TARBP1: variants seen among roughly 807,000 people sequenced by gnomAD.
The protein encoded by TARBP1 is tRNA (guanosine(18)-2'-O)-methyltransferase TARBP1.
In TARBP1, 144 loss-of-function variants were observed where a neutral mutation model predicts 178.6. The ratio of observed to expected loss-of-function variants is 0.81; its 90% CI spans 0.70 to 0.93. TARBP1 has a LOEUF of 0.93. Ranked by LOEUF, TARBP1 falls within the 40% of genes least tolerant of loss-of-function variation. TARBP1 has a pLI of 0.00. For missense variants in TARBP1, 2,067 were observed against 2,011.7 expected (o/e 1.03, Z -0.53); for synonymous variants, 787 against 781.0 (o/e 1.01, Z -0.13).
chr1:234,392,325 G>T, intron 29 of TARBP1, 91 bp downstream of exon 29: 1 of 1,498,778 alleles, frequency 6.7e-7, no homozygotes, highest in Non-Finnish European at 9.0e-7. Context: ...TACAGAGTGA[G>T]ACTCCGTCTC....
At chr1:234,424,945 C>A (rs567632183) in intron 20 of TARBP1, among the ~76,000 whole-genome samples, 66 of 152,078 alleles carry the variant, frequency 4.3e-4, no homozygotes, top group Non-Finnish European at 8.2e-4. Flanking sequence ...TCTGTAGTCC[C>A]AGCTACTCGG....
At chr1:234,398,293 A>G in intron 26 of TARBP1, 89 bp downstream of exon 26, 1 of 1,098,192 alleles carries the variant, frequency 9.1e-7, no homozygotes. Context: ...AAGTGATATT[A>G]TTATTAACTA....
Position 234,478,221 on chromosome 1 carries a change from A to C in TARBP1, c.883T>G (p.Ser295Ala), listed in dbSNP as rs772027625. ...RYLLQRAVEV[S>A]AELGADCTCG... ...GTGCAGTCGGCCCCCAGCTCCGCCG[A>C]CACCTCCACCGCCCTCTGCAGCAGG... Residue 295 changes from serine to alanine, a missense_variant, in exon 1 of 30, where the codon TCG (serine) becomes GCG (alanine). Ser to Ala is a moderately conservative substitution (Grantham distance 99). Transcript: ENST00000040877. The C allele has an allele frequency of 8.7e-6, 14 of 1,611,466 alleles. No individual in the cohort carries two copies. The South Asian group carries it at 1.5e-4, about 18-fold the overall frequency.
At chr1:234,432,566 C>T (rs1400835576) in intron 14 of TARBP1, among the ~76,000 whole-genome samples, 2 of 152,082 alleles carry the variant, frequency 1.3e-5, no homozygotes, top group Non-Finnish European at 2.9e-5. Flanking sequence ...AGATACTAAT[C>T]GAAGAAGACC....
intron 12 of TARBP1, among the ~76,000 whole-genome samples, chr1:234,443,226 G>A (rs980265633): frequency 6.6e-6 from 1 of 150,694 alleles, no homozygotes; most frequent in African/African-American, 2.4e-5. Context: ...GGAGGCAAAG[G>A]TTGCGGTGAG....
intron 22 of TARBP1, among the ~76,000 whole-genome samples, chr1:234,416,510 T>C (rs1221732113): frequency 6.6e-6 from 1 of 152,304 alleles, no homozygotes; most frequent in East Asian, 1.9e-4. Flanking sequence ...TTGGCCAGGC[T>C]GGTCTCAAAC....
At chr1:234,426,356 G>A (rs67982057) in intron 19 of TARBP1, among the ~76,000 whole-genome samples, 8,830 of 152,194 alleles carry the variant, frequency 0.058, 345 homozygotes, top group African/African-American at 0.1. Context: ...TTGTTATAAT[G>A]TGAATAAATA....
chr1:234,471,101 A>C, intron 3 of TARBP1, 87 bp downstream of exon 3: 1 of 1,029,880 alleles, frequency 9.7e-7, no homozygotes, highest in Non-Finnish European at 1.4e-6. Flanking sequence ...TAGTTTTTCA[A>C]AATTCTCTAC....
Position 234,478,433 on chromosome 1 carries a change from C to A in TARBP1, c.671G>T (p.Gly224Val). ...LAAPGASLGS[G>V]RVEEKLLVLS... is the part of the protein sequence containing the mutation. ...GACCAGCAGCTTCTCCTCTACGCGGCCGGACCCCAGGGACGCCCCAGGCGC... is the reference window on the plus strand; with the variant it reads ...GACCAGCAGCTTCTCCTCTACGCGGACGGACCCCAGGGACGCCCCAGGCGC... The change falls in exon 1 of 30, where the codon GGC (glycine) becomes GTC (valine). Residue 224 changes from glycine to valine, a missense_variant. Transcript: ENST00000040877. The A allele has an allele frequency of 7.2e-7, 1 of 1,387,648 alleles. No individual in the cohort carries two copies. Among genetic ancestry groups the A allele is most frequent in the South Asian group, 1.4e-5 (1 of 69,544 alleles). 86.0% of individuals were successfully genotyped at this position (1,387,648 alleles called of 1,614,324 possible).
At chr1:234,439,849 TA>T (rs1665414487) in intron 12 of TARBP1, among the ~76,000 whole-genome samples, 1 of 152,036 alleles carries the variant, frequency 6.6e-6, no homozygotes, top group African/African-American at 2.4e-5. Flanking sequence ...ATACAAGGAA[TA>T]AATAGAAAAT....
chr1:234,423,970 C>G (rs1376465548), intron 20 of TARBP1, among the ~76,000 whole-genome samples: 1 of 152,144 alleles, frequency 6.6e-6, no homozygotes, highest in Non-Finnish European at 1.5e-5. Flanking sequence ...CAGCTCCTAT[C>G]ACTTTAAACT....
chr1:234,439,165 T>C (rs111585333), intron 12 of TARBP1, among the ~76,000 whole-genome samples: 2,694 of 152,250 alleles, frequency 0.018, 30 homozygotes, highest in Non-Finnish European at 0.021. Context: ...ATAGGGAAAT[T>C]TGGAATATCA....
intron 23 of TARBP1, among the ~76,000 whole-genome samples, chr1:234,408,597 C>T (rs910630360): frequency 2.0e-5 from 3 of 152,016 alleles, no homozygotes; most frequent in Admixed American, 6.6e-5. Context: ...CTGCACTCGA[C>T]GGATCAGCTG....
chr1:234,460,349 A>G lies in TARBP1; in HGVS notation c.1447T>C (p.Cys483Arg). 1 of 1,614,222 alleles carries G rather than the reference A, an allele frequency of 6.2e-7. No homozygotes were observed. The highest frequency in any genetic ancestry group is 8.5e-7 in the Non-Finnish European group (1 of 1,180,040). Residue 483 changes from cysteine to arginine, a missense_variant, in exon 7 of 30, where the codon TGT (cysteine) becomes CGT (arginine). By Grantham distance (180) the Cys-to-Arg change is radical. Coordinates refer to ENST00000040877, the MANE Select transcript of TARBP1 (RefSeq NM_005646.4). The stretch of plus-strand genomic sequence containing the variant: ...GATAGAAACAAAATGGGAACAGCAC[A>G]CCAATGCCTACTTGTCATCTTCCGA... Reference protein sequence around the residue: ...FIRKMTSRHWCAVPILFLSKA... With the variant: ...FIRKMTSRHWRAVPILFLSKA...
intron 9 of TARBP1, among the ~76,000 whole-genome samples, chr1:234,452,445 A>C (rs1328930511): frequency 2.0e-5 from 3 of 152,234 alleles, no homozygotes; most frequent in African/African-American, 7.2e-5. Flanking sequence ...GAAGACATAC[A>C]GATGGTAAAT....
At chr1:234,464,060 T>C in intron 5 of TARBP1, 126 bp from the exon 6 acceptor site, 1 of 473,244 alleles carries the variant, frequency 2.1e-6, no homozygotes, top group Non-Finnish European at 3.6e-6. Flanking sequence ...AGTTTTATTT[T>C]TCTGAACCTG....
At chr1:234,458,616 A>G (rs1485553974) in intron 8 of TARBP1, among the ~76,000 whole-genome samples, 3 of 152,240 alleles carry the variant, frequency 2.0e-5, no homozygotes, top group Non-Finnish European at 4.4e-5. Flanking sequence ...GGCACTGCAC[A>G]GAAAGAGTTT....
At chr1:234,452,818 A>T (rs1192996090) in intron 9 of TARBP1, among the ~76,000 whole-genome samples, 1 of 152,196 alleles carries the variant, frequency 6.6e-6, no homozygotes. Context: ...GATGTCCTTC[A>T]GTAGGTGAAT....
chr1:234,407,391 G>A (rs1320218670), intron 23 of TARBP1: 2 of 148,426 alleles, frequency 1.3e-5, no homozygotes, highest in Non-Finnish European at 3.0e-5. Context: ...AGGCTGGAGT[G>A]CAGTCCTGCA....
Sources: allele counts gnomAD v4.1 joint callset (sites outside exome capture counted in the v4.1 genomes callset), GRCh38; gene constraint gnomAD v4.1.1; transcripts MANE v1.5; gene names NCBI Gene and HGNC (gene_info 2026-07-23, HGNC 2026-07-21).